Variants in MACIR observed in about 807,000 individuals in gnomAD.
MACIR encodes UNC119-binding protein C5orf30.
A neutral mutation model predicts 14.3 loss-of-function variants in MACIR; 4 were observed. The observed-to-expected ratio is 0.28, with a 90% CI of 0.14 to 0.64. MACIR has a LOEUF of 0.64. MACIR is among the 30% of genes least tolerant of loss of function. The probability of loss-of-function intolerance (pLI) is 0.83; values close to 1 mark genes in which losing one functional copy is unlikely to be tolerated. For synonymous variants in MACIR, 101 were observed against 102.4 expected, an observed-to-expected ratio of 0.99 and a Z score of 0.08; for missense variants, 228 against 257.6, an observed-to-expected ratio of 0.89 and a Z score of 0.79.
At position 103,276,255 on chromosome 5, in the gene MACIR, G is replaced by C; in HGVS notation, c.336G>C (p.Arg112Ser). ...CTCGTTTGTATAAAACCAGAAGTAGGTACTACCAGCCATACGAGATTCCAG... is the reference window on the plus strand; with the variant it reads ...CTCGTTTGTATAAAACCAGAAGTAGCTACTACCAGCCATACGAGATTCCAG... ...RSSRLYKTRS[R>S]YYQPYEIPAV... Residue 112 changes from arginine (R) to serine (S), a missense_variant, in exon 3 of 3, where the codon AGG becomes AGC. Arg to Ser is a moderately radical substitution (Grantham distance 110). Coordinates refer to ENST00000319933, the MANE Select transcript of MACIR (RefSeq NM_033211.4). 1 of 1,612,350 alleles carries C rather than the reference G, an allele frequency of 6.2e-7. No individual in the cohort carries two copies.
chr5:103,261,902 A>G (rs185853735), intron 1 of MACIR, among the ~76,000 whole-genome samples: 5 of 152,134 alleles, frequency 3.3e-5, no homozygotes, highest in African/African-American at 7.2e-5. Context: ...TTATTTACCA[A>G]TATTTGAAAG....
At chr5:103,266,267 G>T (rs1330962765) in intron 2 of MACIR, among the ~76,000 whole-genome samples, 8 of 152,062 alleles carry the variant, frequency 5.3e-5, no homozygotes, top group African/African-American at 2.4e-5. Flanking sequence ...TCAACGTAAA[G>T]ATCTTATGAA....
chr5:103,261,682 CTTT>C (rs1804717026), intron 1 of MACIR, among the ~76,000 whole-genome samples: 1 of 123,612 alleles, frequency 8.1e-6, no homozygotes, highest in African/African-American at 3.3e-5. Context: ...TTCTTTCTTT[CTTT>C]CTTTCTTTCT....
At chr5:103,274,533 C>T (rs1463247902) in intron 2 of MACIR, among the ~76,000 whole-genome samples, 2 of 151,796 alleles carry the variant, frequency 1.3e-5, no homozygotes, top group Non-Finnish European at 2.9e-5. Flanking sequence ...TGCTTTATCT[C>T]AAATATTGTA....
At chr5:103,260,059 G>GTGTGTGTGTGTGTGTGTGTT (rs1804620743) in intron 1 of MACIR, among the ~76,000 whole-genome samples, 1 of 86,346 alleles carries the variant, frequency 1.2e-5, no homozygotes, top group Non-Finnish European at 3.1e-5. Flanking sequence ...CCGTGTGTGT[G>GTGTGTGTGTGTGTGTGTGTT]TGTGTGTGTG....
chr5:103,268,448 GC>G (rs1805005497), intron 2 of MACIR, among the ~76,000 whole-genome samples: 1 of 152,102 alleles, frequency 6.6e-6, no homozygotes, highest in African/African-American at 2.4e-5. Flanking sequence ...AAATTAGAAG[GC>G]CTAGGGGTAG....
intron 1 of MACIR, among the ~76,000 whole-genome samples, chr5:103,263,129 C>T (rs1344478775): frequency 4.6e-5 from 7 of 151,962 alleles, no homozygotes; most frequent in South Asian, 4.1e-4. Context: ...TTAAAGAAAA[C>T]GTATAATCTT....
rs1805379820 is a variant in MACIR, at chr5:103,277,480, G to A, written c.*940G>A. On this transcript the variant is annotated 3_prime_UTR_variant, in exon 3 of 3. Coordinates refer to ENST00000319933, the MANE Select transcript of MACIR (RefSeq NM_033211.4). ...GAACTCATGATTTGTACTATTGAAT[G>A]ATTAAACTAAGTATGAAGTGATACC... is the stretch of plus-strand genomic sequence containing the variant. The A allele has an allele frequency of 6.0e-6, 1 of 167,010 alleles. No homozygotes were observed. The highest frequency in any genetic ancestry group is 1.5e-5 in the Non-Finnish European group (1 of 68,092). 10.3% of individuals were successfully genotyped at this position (167,010 alleles called of 1,614,324 possible).
At chr5:103,267,950 G>A (rs1300895608) in intron 2 of MACIR, among the ~76,000 whole-genome samples, 2 of 152,044 alleles carry the variant, frequency 1.3e-5, no homozygotes, top group African/African-American at 4.8e-5. Flanking sequence ...AGAATGCCAC[G>A]TAAGTAGAAA....
intron 1 of MACIR, among the ~76,000 whole-genome samples, chr5:103,264,402 G>A (rs966741658): frequency 6.6e-6 from 1 of 152,032 alleles, no homozygotes; most frequent in African/African-American, 2.4e-5. Context: ...AGAAATGTTC[G>A]TTTTTAGAAC....
At chr5:103,269,368 A>G (rs1805044528) in intron 2 of MACIR, among the ~76,000 whole-genome samples, 1 of 152,212 alleles carries the variant, frequency 6.6e-6, no homozygotes, top group Admixed American at 6.5e-5. Flanking sequence ...GGATTTTCTT[A>G]ACATGATGAC....
Position 103,258,852 on chromosome 5 carries a change from C to T in MACIR, c.-158C>T, listed in dbSNP as rs1308356534. 6.6e-6 allele frequency: 1 copy of T among 152,404 alleles called. No individual in the cohort carries two copies. Among genetic ancestry groups the T allele is most frequent in the Non-Finnish European group, 1.5e-5 (1 of 68,188 alleles). The allele number at this position is 152,404 out of a possible 1,614,324, so 9.4% of individuals were successfully genotyped here. ...GCCTCTCCCGCCCCTGTCTCCCGCTCCGCAGCCCCGGGCACGGCGGAGGCA... is the reference window on the plus strand; with the variant it reads ...GCCTCTCCCGCCCCTGTCTCCCGCTTCGCAGCCCCGGGCACGGCGGAGGCA... On this transcript the variant is annotated 5_prime_UTR_variant, in exon 1 of 3. Transcript: ENST00000319933.
intron 1 of MACIR, 76 bp downstream of exon 1, chr5:103,258,972 G>C (rs556008881): frequency 1.3e-5 from 2 of 152,718 alleles, no homozygotes; most frequent in South Asian, 4.1e-4. Context: ...GGGGGGCTTG[G>C]GGGAGTGGGT....
At chr5:103,261,693 T>TCTTTCTTTCTTTCTTTCTTC (rs1562545844) in intron 1 of MACIR, among the ~76,000 whole-genome samples, 1 of 119,326 alleles carries the variant, frequency 8.4e-6, no homozygotes, top group African/African-American at 3.5e-5. Flanking sequence ...TTTCTTTCTT[T>TCTTTCTTTCTTTCTTTCTTC]CTTTCTTTCT....
At chr5:103,275,022 C>T (rs962703173) in intron 2 of MACIR, among the ~76,000 whole-genome samples, 4 of 152,154 alleles carry the variant, frequency 2.6e-5, no homozygotes, top group Admixed American at 1.3e-4. Context: ...ATGTAATAAT[C>T]GTAAGGAACA....
chr5:103,274,319 A>G (rs1554237431), intron 2 of MACIR, among the ~76,000 whole-genome samples: 1 of 151,634 alleles, frequency 6.6e-6, no homozygotes, highest in African/African-American at 2.4e-5. Context: ...TTCCAGTACT[A>G]TCAACAGAGA....
At chr5:103,258,607 G>A (rs1804541272), upstream of MACIR, 1 of 152,684 alleles carries the variant, frequency 6.5e-6, no homozygotes, top group East Asian at 1.9e-4. Flanking sequence ...GGGTGTCTGA[G>A]AGCTGGGCGC....
chr5:103,268,805 T>C (rs1214190248), intron 2 of MACIR, among the ~76,000 whole-genome samples: 1 of 152,030 alleles, frequency 6.6e-6, no homozygotes, highest in Non-Finnish European at 1.5e-5. Context: ...GTTGTAATTA[T>C]GGGCATTAAC....
At chr5:103,265,235 C>G (rs1554236649) in intron 1 of MACIR, among the ~76,000 whole-genome samples, 1 of 152,108 alleles carries the variant, frequency 6.6e-6, no homozygotes, top group African/African-American at 2.4e-5. Context: ...ATCCAAGAGA[C>G]TTCTAATCAT....
Sources: allele counts gnomAD v4.1 joint callset (sites outside exome capture counted in the v4.1 genomes callset), GRCh38; gene constraint gnomAD v4.1.1; transcripts MANE v1.5; gene names NCBI Gene and HGNC (gene_info 2026-07-23, HGNC 2026-07-21).